The following CACNA2D4 variants were observed in gnomAD, a reference collection of about 807,000 sequenced individuals.
CACNA2D4 encodes the protein voltage-dependent calcium channel subunit alpha-2/delta-4.
CACNA2D4 carries 157 observed loss-of-function variants against 163.8 expected under a neutral mutation model. The ratio of observed to expected loss-of-function variants is 0.96; its 90% CI spans 0.84 to 1.09. CACNA2D4 has a LOEUF of 1.09. Ranked by LOEUF, CACNA2D4 falls within the 50% of genes least tolerant of loss-of-function variation. The pLI is 0.00. For missense variants in CACNA2D4, 1,410 were observed against 1,479.9 expected (o/e 0.95, Z 0.78); for synonymous variants, 598 against 586.9 (o/e 1.02, Z -0.27).
At chr12:1,846,322 G>A (rs190857240) in intron 24 of CACNA2D4, among the ~76,000 whole-genome samples, 2 of 152,140 alleles carry the variant, frequency 1.3e-5, no homozygotes, top group East Asian at 3.9e-4. Flanking sequence ...CTGTTCTAGG[G>A]ACCCACCACC....
intron 35 of CACNA2D4, 144 bp from the exon 36 acceptor site, chr12:1,795,924 A>G: frequency 3.0e-6 from 2 of 659,208 alleles, no homozygotes; most frequent in Non-Finnish European, 5.5e-6. Context: ...GGGGCAGCTA[A>G]GGGAACGGGC....
At chr12:1,795,271 C>G in intron 37 of CACNA2D4, 28 bp downstream of exon 37, 1 of 1,605,632 alleles carries the variant, frequency 6.2e-7, no homozygotes, top group Non-Finnish European at 8.5e-7. Context: ...GAAAATCCAG[C>G]CCACCCTCGA....
At chr12:1,816,698 G>A (rs1863884127) in intron 26 of CACNA2D4, among the ~76,000 whole-genome samples, 1 of 152,202 alleles carries the variant, frequency 6.6e-6, no homozygotes, top group Non-Finnish European at 1.5e-5. Context: ...CTGTCACCTC[G>A]GTGCTGCTGT....
rs1864792603 is a variant in CACNA2D4 at position 1,834,939 on chromosome 12, C to T, written c.2551+5800G>A. 1 of 820,462 alleles carries T rather than the reference C, an allele frequency of 1.2e-6. No homozygotes were observed. The highest frequency in any genetic ancestry group is 1.8e-6 in the Non-Finnish European group (1 of 549,354). 50.8% of individuals were successfully genotyped at this position (820,462 alleles called of 1,614,324 possible). The stretch of plus-strand genomic sequence containing the variant: ...GCTCCTGCTGATGCTCCTGTCTGGG[C>T]CAGTAAATCTTTGGAACATGTGGGG... On this transcript the variant is annotated intron_variant, in intron 26 of 37. Transcript: ENST00000382722. The surrounding 1 kb of genome is among the most constrained non-coding windows in gnomAD (Gnocchi z 7.6).
At chr12:1,855,135 T>C (rs1373421730) in intron 22 of CACNA2D4, among the ~76,000 whole-genome samples, 4 of 152,168 alleles carry the variant, frequency 2.6e-5, no homozygotes, top group African/African-American at 4.8e-5. Context: ...TATATCTATA[T>C]ATGTAGGCTT....
intron 23 of CACNA2D4, among the ~76,000 whole-genome samples, chr12:1,848,827 T>C (rs1379360651): frequency 1.3e-5 from 2 of 152,004 alleles, no homozygotes; most frequent in Admixed American, 1.3e-4. Flanking sequence ...AGGCTGGCCT[T>C]GAACTCCTGG....
intron 26 of CACNA2D4, among the ~76,000 whole-genome samples, chr12:1,819,001 T>TAAAAAAAA (rs34331462): frequency 7.8e-6 from 1 of 127,562 alleles, no homozygotes; most frequent in African/African-American, 3.1e-5. Context: ...CTAAAAAAAT[T>TAAAAAAAA]AAAAAAAAAA....
chr12:1,880,066 G>C (rs1481678278), intron 13 of CACNA2D4, among the ~76,000 whole-genome samples, 185 bp from the exon 14 acceptor site: 2 of 152,234 alleles, frequency 1.3e-5, no homozygotes, highest in Non-Finnish European at 2.9e-5. Flanking sequence ...TGGCAGGAAT[G>C]CTGGGGGCCA....
Position 1,875,311 on chromosome 12 carries a change from G to C in CACNA2D4, c.1746C>G (p.Pro582=), listed in dbSNP as rs1460483971. Residue 582 remains proline, a synonymous_variant, in exon 17 of 38, where the codon CCC becomes CCG. Coordinates refer to ENST00000382722, the MANE Select transcript of CACNA2D4 (RefSeq NM_172364.5). The surrounding 1 kb of genome is among the most constrained non-coding windows in gnomAD (Gnocchi z 4.0). Reference sequence around the variant, plus strand: ...GATCCACACTGTTGTAGTTAGGTTTGGGTTTTAGTTTCTTCCCCTCTCTGT... The same window carrying C: ...GATCCACACTGTTGTAGTTAGGTTTCGGTTTTAGTTTCTTCCCCTCTCTGT... The part of the protein sequence containing the change: ...PLYREGKKLK[P]KPNYNSVDLS... The C allele has an allele frequency of 6.2e-7, 1 of 1,613,822 alleles. No individual in the cohort carries two copies. The highest frequency in any genetic ancestry group is 1.1e-5 in the South Asian group (1 of 91,080).
At position 1,840,948 on chromosome 12, in the gene CACNA2D4, G is replaced by C. The variant is rs569257651; in HGVS notation, c.2471-129C>G. 10 of 793,132 alleles carry C rather than the reference G, an allele frequency of 1.3e-5. No individual in the cohort carries two copies. The South Asian group carries it at 1.4e-4, about 11-fold the overall frequency. 49.1% of individuals were successfully genotyped at this position (793,132 alleles called of 1,614,324 possible). On this transcript the variant is annotated intron_variant, in intron 25 of 37. Transcript: ENST00000382722. ...GGCATCCTTGGAAGAATTGAGGCGA[G>C]GGTGGGGACAGGGGTTGTGTTTGGA... is the stretch of plus-strand genomic sequence containing the variant.
Position 1,844,581 on chromosome 12 carries a change from C to A in CACNA2D4, c.2343-52G>T. On this transcript the variant is annotated intron_variant, in intron 24 of 37. Transcript: ENST00000382722. The surrounding 1 kb of genome is among the most constrained non-coding windows in gnomAD (Gnocchi z 4.2). ...TCCCCAGATCTGTGAACACAGTCAT[C>A]ACTCTTTCCTTTTCTCACACAAGGT... 1 of 1,575,696 alleles carries A rather than the reference C, an allele frequency of 6.3e-7. No individual in the cohort carries two copies. The highest frequency in any genetic ancestry group is 8.7e-7 in the Non-Finnish European group (1 of 1,154,664).
intron 18 of CACNA2D4, among the ~76,000 whole-genome samples, chr12:1,867,715 C>G (rs566028272): frequency 4.7e-5 from 7 of 148,614 alleles, no homozygotes; most frequent in Admixed American, 3.4e-4. Flanking sequence ...TTATAATATC[C>G]GAAATATATA....
rs373764501 is a variant in CACNA2D4 at position 1,805,736 on chromosome 12, AGGGCCATTTG to A, written c.2722-4102_2722-4093del. Among the ~76,000 whole-genome samples, 7 of 152,366 alleles carry A rather than the reference AGGGCCATTTG, an allele frequency of 4.6e-5. No individual in the cohort carries two copies. The East Asian group carries it at 1.4e-3, about 29-fold the overall frequency. On this transcript the variant is annotated intron_variant, in intron 29 of 37. Coordinates refer to ENST00000382722, the MANE Select transcript of CACNA2D4 (RefSeq NM_172364.5). ...CTATTCCTGGAGGGCCCAGTGGAGCAGGGCCATTTGGGACGCCAGGAAGGTAGAAGGAGCA... is the reference window on the plus strand; with the variant it reads ...CTATTCCTGGAGGGCCCAGTGGAGCAGGACGCCAGGAAGGTAGAAGGAGCA...
At chr12:1,884,133 T>A in intron 12 of CACNA2D4, 110 bp downstream of exon 12, 2 of 860,220 alleles carry the variant, frequency 2.3e-6, no homozygotes, top group Non-Finnish European at 3.8e-6. Flanking sequence ...ATAGCACTGC[T>A]CCTCTTAGGG....
At chr12:1,850,631 G>T (rs1399673544) in intron 23 of CACNA2D4, among the ~76,000 whole-genome samples, 1 of 151,884 alleles carries the variant, frequency 6.6e-6, no homozygotes, top group East Asian at 1.9e-4. Context: ...TTGGCCAGGC[G>T]CGGTGGCTCA....
At chr12:1,817,908 C>T (rs1201864213) in intron 26 of CACNA2D4, among the ~76,000 whole-genome samples, 9 of 152,098 alleles carry the variant, frequency 5.9e-5, no homozygotes, top group South Asian at 4.1e-4. Flanking sequence ...GCCACCACCC[C>T]GTCTGGGAAG....
chr12:1,848,762 A>AATGATTATT (rs1865209583), intron 23 of CACNA2D4, among the ~76,000 whole-genome samples: 1 of 147,358 alleles, frequency 6.8e-6, no homozygotes. Flanking sequence ...AACCCATTGC[A>AATGATTATT]ATTATTATTA....
At chr12:1,851,698 A>G (rs1416439364) in intron 23 of CACNA2D4, among the ~76,000 whole-genome samples, 3 of 53,646 alleles carry the variant, frequency 5.6e-5, no homozygotes, top group African/African-American at 1.6e-4. Context: ...TTTTTTTTCC[A>G]GAGATTTCCT....
intron 26 of CACNA2D4, among the ~76,000 whole-genome samples, chr12:1,814,171 T>C (rs538450139): frequency 6.6e-6 from 1 of 152,342 alleles, no homozygotes; most frequent in South Asian, 2.1e-4. Flanking sequence ...GCCTTTCCAT[T>C]TGATGGCTCA....
Sources: allele counts gnomAD v4.1 joint callset (sites outside exome capture counted in the v4.1 genomes callset), GRCh38; gene constraint gnomAD v4.1.1; non-coding constraint Gnocchi (gnomAD v3.1); transcripts MANE v1.5; gene names NCBI Gene and HGNC (gene_info 2026-07-23, HGNC 2026-07-21).